The following LIN54 variants were observed in gnomAD, a reference collection of about 807,000 sequenced individuals.
LIN54 encodes lin-54 DREAM MuvB core complex component, also known as protein lin-54 homolog.
LIN54 carries 9 observed loss-of-function variants against 78.7 expected under a neutral mutation model. The ratio of observed to expected loss-of-function variants is 0.11; its 90% CI spans 0.07 to 0.20. LIN54 has a LOEUF of 0.20. LIN54 is among the 10% of genes least tolerant of loss of function. The probability of loss-of-function intolerance (pLI) is 1.00; values close to 1 mark genes in which losing one functional copy is unlikely to be tolerated. For synonymous variants in LIN54, 269 were observed against 318.4 expected (o/e 0.84, Z 1.65); for missense variants, 573 against 889.9 (o/e 0.64, Z 4.53).
chr4:83,003,728 G>A (rs989189187), intron 1 of LIN54, among the ~76,000 whole-genome samples: 7 of 152,096 alleles, frequency 4.6e-5, no homozygotes, highest in African/African-American at 1.7e-4. Context: ...GTCTCGCCAT[G>A]TTGCCCAGGC....
chr4:83,011,697 A>G (rs1729861733), upstream of LIN54, among the ~76,000 whole-genome samples: 1 of 152,160 alleles, frequency 6.6e-6, no homozygotes, highest in Non-Finnish European at 1.5e-5. Flanking sequence ...GGTAAGAGTT[A>G]CCAGCTCTTG....
At chr4:82,952,716 C>G (rs1723940938) in intron 4 of LIN54, among the ~76,000 whole-genome samples, 2 of 152,106 alleles carry the variant, frequency 1.3e-5, no homozygotes, top group Admixed American at 1.3e-4. Context: ...ACTCAAGTGT[C>G]CACAGACAGA....
At chr4:82,992,786 T>C (rs899243399) in intron 1 of LIN54, among the ~76,000 whole-genome samples, 1 of 152,118 alleles carries the variant, frequency 6.6e-6, no homozygotes, top group Non-Finnish European at 1.5e-5. Context: ...CCCAGCACTT[T>C]GGGAGGCCAA....
chr4:82,988,160 T>G (rs1405027066), intron 1 of LIN54, among the ~76,000 whole-genome samples: 5 of 152,354 alleles, frequency 3.3e-5, no homozygotes, highest in Admixed American at 2.0e-4. Context: ...CATGTTTTTT[T>G]GGCCACATAA....
chr4:82,969,396 T>C (rs1291424312), intron 4 of LIN54, among the ~76,000 whole-genome samples: 1 of 152,228 alleles, frequency 6.6e-6, no homozygotes, highest in African/African-American at 2.4e-5. Flanking sequence ...CTTATTCATG[T>C]TTTATCCTCA....
At position 83,009,260 on chromosome 4, in the gene LIN54, T is replaced by C. The variant is rs568847947; in HGVS notation, c.-33+1224A>G. ...ATATGACACACTATGGCACAGTGTGTTACATATACTCTTTGTAGACAATTT... is the reference window on the plus strand; with the variant it reads ...ATATGACACACTATGGCACAGTGTGCTACATATACTCTTTGTAGACAATTT... On this transcript the variant is annotated intron_variant, in intron 1 of 12. Transcript: ENST00000340417. Among the ~76,000 whole-genome samples, 7 of 152,266 alleles carry C rather than the reference T, an allele frequency of 4.6e-5. No individual in the cohort carries two copies. The East Asian group carries it at 1.3e-3, about 29-fold the overall frequency.
intron 4 of LIN54, among the ~76,000 whole-genome samples, chr4:82,958,798 G>A (rs1724552678): frequency 6.6e-6 from 1 of 152,096 alleles, no homozygotes. Flanking sequence ...CGCCTCCTGG[G>A]TTCAAGTGAT....
intron 1 of LIN54, among the ~76,000 whole-genome samples, chr4:83,000,939 T>A (rs1425193457): frequency 1.3e-5 from 2 of 149,796 alleles, no homozygotes; most frequent in Non-Finnish European, 3.0e-5. Context: ...TGCCTCAGCC[T>A]CCCAAATAGC....
intron 11 of LIN54, among the ~76,000 whole-genome samples, chr4:82,934,018 G>A (rs1722184781): frequency 6.6e-6 from 1 of 152,064 alleles, no homozygotes; most frequent in Non-Finnish European, 1.5e-5. Context: ...AACGCAAGCC[G>A]GCTATTTCAT....
chr4:82,969,090 C>T (rs1725444979), intron 4 of LIN54, among the ~76,000 whole-genome samples: 1 of 152,190 alleles, frequency 6.6e-6, no homozygotes, highest in Non-Finnish European at 1.5e-5. Context: ...TCCATCTAAC[C>T]TTAGCACCCT....
At chr4:82,993,243 T>C (rs1257498651) in intron 1 of LIN54, among the ~76,000 whole-genome samples, 1 of 130,776 alleles carries the variant, frequency 7.6e-6, no homozygotes, top group Non-Finnish European at 1.6e-5. Flanking sequence ...TGAGATGGAG[T>C]TTCACTCTTG....
chr4:82,978,975 C>G lies in LIN54; in HGVS notation c.716G>C (p.Gly239Ala). Reference protein sequence around the residue: ...IAKKPRTPTSGPVITKLIFAK... With the variant: ...IAKKPRTPTSAPVITKLIFAK... ...AAAGATCAGCTTCGTGATTACTGGA[C>G]CAGAGGTTGGCGTTCGAGGCTTCTT... The change falls in exon 3 of 13, where the codon GGT becomes GCT. Residue 239 changes from glycine to alanine, a missense_variant. By Grantham distance (60) the Gly-to-Ala change is moderately conservative. Coordinates refer to ENST00000340417, the MANE Select transcript of LIN54 (RefSeq NM_194282.4). 6.3e-7 allele frequency: 1 copy of G among 1,589,454 alleles called. No individual in the cohort carries two copies. Among genetic ancestry groups the G allele is most frequent in the South Asian group, 1.1e-5 (1 of 87,806 alleles).
chr4:82,969,859 A>G (rs1228539329), intron 4 of LIN54, among the ~76,000 whole-genome samples: 1 of 152,218 alleles, frequency 6.6e-6, no homozygotes, highest in East Asian at 1.9e-4. Context: ...AATGTATTCA[A>G]GCTTAAACAA....
chr4:82,943,757 C>A (rs1723126665), intron 5 of LIN54, among the ~76,000 whole-genome samples: 1 of 150,428 alleles, frequency 6.6e-6, no homozygotes, highest in Non-Finnish European at 1.5e-5. Context: ...AGAAGGGAAG[C>A]AGAAGAGTGG....
intron 4 of LIN54, among the ~76,000 whole-genome samples, chr4:82,961,599 T>G (rs1021528146): frequency 3.9e-5 from 6 of 152,166 alleles, no homozygotes; most frequent in African/African-American, 1.4e-4. Flanking sequence ...CCAGGATAAT[T>G]TGCATAGACT....
intron 4 of LIN54, among the ~76,000 whole-genome samples, chr4:82,947,325 T>C (rs1723478171): frequency 1.4e-5 from 2 of 146,226 alleles, no homozygotes; most frequent in Admixed American, 7.0e-5. Context: ...CTTGACCTCC[T>C]GGGCTCAAGC....
chr4:82,997,018 T>G (rs1354720792), intron 1 of LIN54, among the ~76,000 whole-genome samples: 2 of 152,096 alleles, frequency 1.3e-5, no homozygotes, highest in Non-Finnish European at 2.9e-5. Context: ...ATACTTTTAT[T>G]GTCCCTCCTC....
intron 1 of LIN54, among the ~76,000 whole-genome samples, chr4:83,003,015 CT>C (rs923378335): frequency 3.3e-5 from 5 of 151,714 alleles, no homozygotes; most frequent in African/African-American, 4.8e-5. Flanking sequence ...TAGATTTAAG[CT>C]TTTTTTTGTG....
chr4:82,986,007 C>T (rs1219813367), intron 1 of LIN54, among the ~76,000 whole-genome samples: 1 of 152,222 alleles, frequency 6.6e-6, no homozygotes, highest in Non-Finnish European at 1.5e-5. Flanking sequence ...ATTTTATTAT[C>T]TTCATGTATA....
Sources: allele counts gnomAD v4.1 joint callset (sites outside exome capture counted in the v4.1 genomes callset), GRCh38; gene constraint gnomAD v4.1.1; transcripts MANE v1.5; gene names NCBI Gene and HGNC (gene_info 2026-07-23, HGNC 2026-07-21).